Variants in POTEC observed in about 807,000 individuals in gnomAD.
POTEC encodes the protein POTE ankyrin domain family member C.
In POTEC, 35 loss-of-function variants were observed where a neutral mutation model predicts 62.0. The observed-to-expected ratio is 0.56, with a 90% CI of 0.43 to 0.75. POTEC has a LOEUF of 0.75. Ranked by LOEUF, POTEC falls within the 30% of genes least tolerant of loss-of-function variation. POTEC has a pLI of 0.00. For missense variants in POTEC, 472 were observed against 655.9 expected (o/e 0.72, Z 3.06); for synonymous variants, 156 against 221.5 (o/e 0.70, Z 2.62).
rs771410929 is a variant in POTEC, at chr18:14,508,524, GACT to G, written c.*3371_*3373del. On this transcript the variant is annotated 3_prime_UTR_variant, in exon 11 of 11. Transcript: ENST00000358970. The stretch of plus-strand genomic sequence containing the variant: ...ATGCAATCACACACAATCACCATGT[GACT>G]ACATTATGAAAATTCTTCTAGTGTG... 6.6e-6 allele frequency: 1 copy of G among 152,594 alleles called. No homozygotes were observed. The highest frequency in any genetic ancestry group is 1.5e-5 in the Non-Finnish European group (1 of 68,042). 9.5% of individuals were successfully genotyped at this position (152,594 alleles called of 1,614,324 possible).
chr18:14,516,771 T>A (rs1190172444), intron 9 of POTEC, among the ~76,000 whole-genome samples: 4 of 151,744 alleles, frequency 2.6e-5, no homozygotes, highest in African/African-American at 9.7e-5. Flanking sequence ...AATGACCTGG[T>A]AAATTTTCTT....
At chr18:14,525,832 T>C (rs886371460) in intron 6 of POTEC, among the ~76,000 whole-genome samples, 2 of 152,150 alleles carry the variant, frequency 1.3e-5, no homozygotes. Flanking sequence ...CCTTTGTTAG[T>C]GTACAATGTC....
chr18:14,541,116 C>T (rs1052805274), intron 1 of POTEC, among the ~76,000 whole-genome samples: 2 of 152,210 alleles, frequency 1.3e-5, no homozygotes, highest in African/African-American at 4.8e-5. Flanking sequence ...GTATCAAACT[C>T]CTGACCTCGT....
intron 9 of POTEC, among the ~76,000 whole-genome samples, chr18:14,516,313 T>TG (rs1910153485): frequency 1.6e-5 from 1 of 63,520 alleles, no homozygotes; most frequent in Non-Finnish European, 2.9e-5. Context: ...TATATATATA[T>TG]ATATATATAT....
At chr18:14,515,482 A>C (rs1004339595) in intron 9 of POTEC, among the ~76,000 whole-genome samples, 36 of 152,126 alleles carry the variant, frequency 2.4e-4, no homozygotes, top group African/African-American at 8.2e-4. Context: ...CTGGGAAAAA[A>C]AGATAGTCAC....
intron 7 of POTEC, among the ~76,000 whole-genome samples, chr18:14,523,880 A>C (rs563994434): frequency 6.6e-6 from 1 of 152,252 alleles, no homozygotes; most frequent in East Asian, 1.9e-4. Flanking sequence ...GATGATTTGT[A>C]GTGTTCCAAA....
chr18:14,521,994 T>A (rs1910323173), intron 9 of POTEC, among the ~76,000 whole-genome samples: 2 of 152,240 alleles, frequency 1.3e-5, no homozygotes, highest in South Asian at 2.1e-4. Context: ...CATGAACTTC[T>A]GAAGCTAAAA....
At chr18:14,527,036 G>A (rs572335596) in intron 6 of POTEC, among the ~76,000 whole-genome samples, 2 of 152,048 alleles carry the variant, frequency 1.3e-5, no homozygotes, top group Admixed American at 6.6e-5. Flanking sequence ...ATTTGGGAAG[G>A]TGCTTTATAA....
rs1905979680 is a variant in POTEC at position 14,542,646 on chromosome 18, G to C, written c.501C>G (p.Asn167Lys). ...GTTACCTCTTTTGCTTGTCCCTCTTGTTCATGTCCGTGTCCCTGAGCATGA... is the reference window on the plus strand; with the variant it reads ...GTTACCTCTTTTGCTTGTCCCTCTTCTTCATGTCCGTGTCCCTGAGCATGA... ...LIVMLRDTDM[N>K]KRDKQKRTAL... The change falls in exon 1 of 11, where the codon AAC becomes AAG. Residue 167 changes from asparagine to lysine, a missense_variant. Physicochemically the swap from Asn to Lys is moderately conservative, Grantham distance 94. Around this residue, in one of 5 missense-constraint regions of POTEC, gnomAD observed 257 missense variants for 250.7 expected, o/e 1.03. Coordinates refer to ENST00000358970, the MANE Select transcript of POTEC (RefSeq NM_001137671.2). 6.2e-7 allele frequency: 1 copy of C among 1,612,488 alleles called. No homozygotes were observed. Among genetic ancestry groups the C allele is most frequent in the Non-Finnish European group, 8.5e-7 (1 of 1,179,940 alleles).
chr18:14,509,391 G>T lies in POTEC; in HGVS notation c.*2507C>A, dbSNP rs1214739866. 1 of 151,910 alleles carries T rather than the reference G, an allele frequency of 6.6e-6. No individual in the cohort carries two copies. Among genetic ancestry groups the T allele is most frequent in the South Asian group, 2.1e-4 (1 of 4,800 alleles). The allele number at this position is 151,910 out of a possible 1,614,324, so 9.4% of individuals were successfully genotyped here. ...CCTCAAGGGTGAGATGCTAGCAGGG[G>T]TGGGGTTTTTGGTTCTGTGCCCACC... On this transcript the variant is annotated 3_prime_UTR_variant, in exon 11 of 11. Transcript: ENST00000358970.
chr18:14,536,816 G>A (rs1254247757), intron 3 of POTEC, among the ~76,000 whole-genome samples: 1 of 152,060 alleles, frequency 6.6e-6, no homozygotes, highest in Non-Finnish European at 1.5e-5. Flanking sequence ...AGTAAGAGTA[G>A]AACAAGGTCT....
At chr18:14,538,427 C>A (rs921715595) in intron 1 of POTEC, among the ~76,000 whole-genome samples, 178 bp from the exon 2 acceptor site, 6 of 152,172 alleles carry the variant, frequency 3.9e-5, no homozygotes, top group African/African-American at 1.2e-4. Flanking sequence ...AATGAAAGAG[C>A]AGCCTATTTG....
Position 14,526,379 on chromosome 18 carries a change from C to T in POTEC, c.1127-1396G>A, listed in dbSNP as rs1910438661. Among the ~76,000 whole-genome samples, 5 of 152,252 alleles carry T rather than the reference C, an allele frequency of 3.3e-5. No individual in the cohort carries two copies. In the South Asian group the frequency reaches 1.0e-3, roughly 32 times the overall value. On this transcript the variant is annotated intron_variant, in intron 6 of 10. Coordinates refer to ENST00000358970, the MANE Select transcript of POTEC (RefSeq NM_001137671.2). The stretch of plus-strand genomic sequence containing the variant: ...CAGGTCTGTCCCCTCTACTCCAAGA[C>T]TGCAGAGGACAGTCTTGCACATCAT...
chr18:14,542,810 C>G lies in POTEC; in HGVS notation c.337G>C (p.Gly113Arg), dbSNP rs113041483. 1.2e-6 allele frequency: 2 copies of G among 1,613,452 alleles called. No individual in the cohort carries two copies. The highest frequency in any genetic ancestry group is 1.1e-5 in the South Asian group (1 of 91,052). The change falls in exon 1 of 11, where the codon GGC (glycine) becomes CGC (arginine). Residue 113 changes from glycine to arginine, a missense_variant. Coordinates refer to ENST00000358970, the MANE Select transcript of POTEC (RefSeq NM_001137671.2). ...CHCFPCCRGS[G>R]KSNVGAWGDY... ...CCCCAAGCGCCCACGTTGCTCTTGC[C>G]GCTCCCCCTGCAGCAGGGGAAGCAG...
intron 4 of POTEC, among the ~76,000 whole-genome samples, chr18:14,533,887 T>C (rs1331609952): frequency 6.7e-4 from 101 of 150,254 alleles, no homozygotes; most frequent in Non-Finnish European, 1.8e-4. Flanking sequence ...TTTTTTTTTT[T>C]CCATGCCCAG....
At chr18:14,539,503 C>T (rs1216018617) in intron 1 of POTEC, among the ~76,000 whole-genome samples, 3 of 143,826 alleles carry the variant, frequency 2.1e-5, no homozygotes, top group African/African-American at 5.3e-5. Context: ...CATTTAGCTC[C>T]CACCTATAAG....
rs1909998086 is a variant in POTEC, at chr18:14,511,241, G to T, written c.*657C>A. 1 of 157,904 alleles carries T rather than the reference G, an allele frequency of 6.3e-6. No individual in the cohort carries two copies. The highest frequency in any genetic ancestry group is 1.4e-5 in the Non-Finnish European group (1 of 72,212). 9.8% of individuals were successfully genotyped at this position (157,904 alleles called of 1,614,324 possible). On this transcript the variant is annotated 3_prime_UTR_variant, in exon 11 of 11. Transcript: ENST00000358970. Reference sequence around the variant, plus strand: ...GGGTGTAGCTGGAGGCCTCAGGTGGGAGATCCTGTCCAGTGACGAGGAACA... The same window carrying T: ...GGGTGTAGCTGGAGGCCTCAGGTGGTAGATCCTGTCCAGTGACGAGGAACA...
In POTEC at chr18:14,542,979, C is replaced by T. The variant is rs780171994; in HGVS notation, c.168G>A (p.Met56Ile). The T allele has an allele frequency of 6.4e-7, 1 of 1,572,694 alleles. No individual in the cohort carries two copies. The highest frequency in any genetic ancestry group is 8.6e-7 in the Non-Finnish European group (1 of 1,156,740). ...AACACTTGCCCATCTTGCTCCTGAG[C>T]ATCTTCATAAAGGAGTCGTCGTGGT... ...SGDHDDSFMK[M>I]LRSKMGKCCH... is the part of the protein sequence containing the mutation. Residue 56 changes from methionine to isoleucine, a missense_variant, in exon 1 of 11, where the codon ATG becomes ATA. Physicochemically the swap from Met to Ile is conservative, Grantham distance 10. Transcript: ENST00000358970.
At position 14,538,072 on chromosome 18, in the gene POTEC, C is replaced by T. The variant is rs1016662205; in HGVS notation, c.636+63G>A. The T allele has an allele frequency of 6.0e-6, 9 of 1,509,466 alleles. No homozygotes were observed. The South Asian group carries it at 9.3e-5, about 16-fold the overall frequency. The allele number at this position is 1,509,466 out of a possible 1,614,324, so 93.5% of individuals were successfully genotyped here. A position where few individuals can be genotyped will look rare whatever the true frequency, so the allele number is the denominator to read the frequency against. On this transcript the variant is annotated intron_variant, in intron 2 of 10. Transcript: ENST00000358970. ...CTAGTTATATTTAAATGAGAAAACT[C>T]ATTTTTATGCTATCTATTGAAATCA...
Sources: gnomAD v4.1 joint callset for allele counts (sites outside exome capture counted in the v4.1 genomes callset) on GRCh38, gnomAD v4.1.1 for gene constraint, gnomAD v4.1.1 regional missense constraint, MANE v1.5 for transcripts, NCBI Gene and HGNC (gene_info 2026-07-23, HGNC 2026-07-21) for gene names.